ASIC2: variants seen among roughly 807,000 people sequenced by gnomAD.
ASIC2 encodes the protein acid sensing ion channel subunit 2.
Under a neutral mutation model 57.3 loss-of-function variants are expected in ASIC2, and 25 were observed. That is an observed-to-expected ratio of 0.44 (90% CI 0.32 to 0.61). The LOEUF is 0.61. Among genes scored for constraint, ASIC2 ranks in the 20% least tolerant of loss-of-function variants. The pLI is 0.06. For synonymous variants in ASIC2, 319 were observed against 307.5 expected, an observed-to-expected ratio of 1.04 and a Z score of -0.39; for missense variants, 641 against 738.1, an observed-to-expected ratio of 0.87 and a Z score of 1.52.
chr17:33,398,277 A>AAT (rs1183787378), intron 1 of ASIC2, among the ~76,000 whole-genome samples: 2 of 152,186 alleles, frequency 1.3e-5, no homozygotes. Context: ...TGGGCCCCGG[A>AAT]ATATAGCAGG....
chr17:33,113,250 C>T (rs1170212786), intron 1 of ASIC2, among the ~76,000 whole-genome samples: 1 of 152,208 alleles, frequency 6.6e-6, no homozygotes, highest in African/African-American at 2.4e-5. Context: ...ATGTCTCCAT[C>T]TATAAAATGG....
chr17:33,036,213 G>A (rs547123706), intron 3 of ASIC2, among the ~76,000 whole-genome samples: 6 of 152,246 alleles, frequency 3.9e-5, no homozygotes, highest in African/African-American at 1.4e-4. Context: ...TTAGGTAGAT[G>A]TTCCTATTAT....
chr17:33,746,240 T>C (rs928350591), intron 1 of ASIC2, among the ~76,000 whole-genome samples: 5 of 151,156 alleles, frequency 3.3e-5, no homozygotes, highest in Non-Finnish European at 5.9e-5. Context: ...TTTCTTAGCT[T>C]TAAATACATA....
At chr17:33,102,819 T>C (rs936979987) in intron 2 of ASIC2, among the ~76,000 whole-genome samples, 5 of 152,260 alleles carry the variant, frequency 3.3e-5, no homozygotes, top group Non-Finnish European at 7.3e-5. Flanking sequence ...AGTCTCGCTC[T>C]GTCGCCCAGG....
At chr17:33,335,883 G>T (rs940918830) in intron 1 of ASIC2, among the ~76,000 whole-genome samples, 1 of 152,154 alleles carries the variant, frequency 6.6e-6, no homozygotes, top group South Asian at 2.1e-4. Flanking sequence ...AGCTCCAATC[G>T]CAGACACACA....
In ASIC2 at chr17:33,758,205, C is replaced by T. The variant is rs575266741; in HGVS notation, c.555+397773G>A. 7.9e-5 allele frequency among the ~76,000 whole-genome samples: 12 copies of T among 152,098 alleles called. No individual in the cohort carries two copies. The South Asian group carries it at 2.5e-3, about 32-fold the overall frequency. ...GTGTGTATATATGTGTGTGTAGGTA[C>T]TGTATATGTAACATCTGGGAAGTGT... On this transcript the variant is annotated intron_variant, in intron 1 of 9. Coordinates refer to the ASIC2 transcript ENST00000359872.
intron 8 of ASIC2, 50 bp from the exon 9 acceptor site, chr17:33,016,089 G>A: frequency 1.9e-6 from 3 of 1,589,778 alleles, no homozygotes; most frequent in Non-Finnish European, 2.6e-6. Flanking sequence ...AGGGTGCAGA[G>A]GCAGAAGGGA....
chr17:33,870,224 G>GTTTTTTTT (rs869267956), intron 1 of ASIC2, among the ~76,000 whole-genome samples: 33 of 50,124 alleles, frequency 6.6e-4, no homozygotes, highest in East Asian at 3.3e-3. Flanking sequence ...GAGAAATTCT[G>GTTTTTTTT]TTTTTTTTTT....
intron 1 of ASIC2, among the ~76,000 whole-genome samples, chr17:33,303,206 G>C (rs1906028208): frequency 6.6e-6 from 1 of 152,216 alleles, no homozygotes; most frequent in Non-Finnish European, 1.5e-5. Flanking sequence ...AGTTTAGAAA[G>C]AGAAAAGACA....
At chr17:33,695,864 T>C (rs113799460) in intron 1 of ASIC2, among the ~76,000 whole-genome samples, 7 of 152,356 alleles carry the variant, frequency 4.6e-5, no homozygotes, top group African/African-American at 1.7e-4. Context: ...TCTATACACA[T>C]ATCTGTTAAA....
At chr17:33,804,335 C>T (rs1464946002) in intron 1 of ASIC2, among the ~76,000 whole-genome samples, 1 of 152,316 alleles carries the variant, frequency 6.6e-6, no homozygotes, top group African/African-American at 2.4e-5. Context: ...AAACTCTGCT[C>T]CTGTAGCTGA....
chr17:33,870,436 G>A (rs1286856504), intron 1 of ASIC2, among the ~76,000 whole-genome samples: 2 of 151,788 alleles, frequency 1.3e-5, no homozygotes, highest in Non-Finnish European at 2.9e-5. Context: ...ACAACACTTT[G>A]CTTGACTTGG....
intron 1 of ASIC2, among the ~76,000 whole-genome samples, chr17:33,860,426 C>T (rs891840731): frequency 3.9e-5 from 6 of 152,160 alleles, no homozygotes; most frequent in Non-Finnish European, 7.3e-5. Context: ...CTCCTGGGGG[C>T]CAGAGAGCCT....
intron 3 of ASIC2, among the ~76,000 whole-genome samples, chr17:33,060,379 T>A (rs1567730206): frequency 6.6e-6 from 1 of 152,246 alleles, no homozygotes; most frequent in Non-Finnish European, 1.5e-5. Flanking sequence ...TTTCTACGTA[T>A]GGCTAGCCAG....
intron 1 of ASIC2, among the ~76,000 whole-genome samples, chr17:33,458,397 T>C (rs192285869): frequency 1.5e-3 from 221 of 152,296 alleles, no homozygotes; most frequent in Middle Eastern, 3.4e-3. Context: ...GGAAAGATTT[T>C]TAAAACTTTT....
At chr17:33,769,355 A>G (rs1483702154) in intron 1 of ASIC2, among the ~76,000 whole-genome samples, 2 of 152,190 alleles carry the variant, frequency 1.3e-5, no homozygotes, top group Non-Finnish European at 1.5e-5. Context: ...TCAGCAGAGC[A>G]GCCAACTAGA....
chr17:34,054,062 T>C (rs1193594238), intron 1 of ASIC2, among the ~76,000 whole-genome samples: 2 of 152,214 alleles, frequency 1.3e-5, no homozygotes, highest in African/African-American at 4.8e-5. Context: ...ACCGCAAACC[T>C]GCACAAGAGA....
At chr17:33,558,137 C>T (rs62057812) in intron 1 of ASIC2, among the ~76,000 whole-genome samples, 34,467 of 151,406 alleles carry the variant, frequency 0.23, 4,681 homozygotes, top group Non-Finnish European at 0.31. Flanking sequence ...GGTTTCTCCC[C>T]GTGTGTGGAG....
At chr17:33,280,548 C>A (rs1354063143) in intron 1 of ASIC2, among the ~76,000 whole-genome samples, 1 of 152,214 alleles carries the variant, frequency 6.6e-6, no homozygotes, top group Non-Finnish European at 1.5e-5. Context: ...GGGCCTGACC[C>A]CCAAAACTGG....
Sources: allele counts gnomAD v4.1 joint callset (sites outside exome capture counted in the v4.1 genomes callset), GRCh38; gene constraint gnomAD v4.1.1; transcripts MANE v1.5; gene names NCBI Gene and HGNC (gene_info 2026-07-23, HGNC 2026-07-21).